The following SASH1 variants were observed in gnomAD, a reference collection of about 807,000 sequenced individuals.
The protein encoded by SASH1 is SAM and SH3 domain containing 1.
SASH1 carries 44 observed loss-of-function variants against 125.2 expected under a neutral mutation model. The observed-to-expected ratio is 0.35, with a 90% CI of 0.28 to 0.45. The LOEUF (loss-of-function observed/expected upper bound fraction) is 0.45, where lower values mean the gene tolerates loss of function less well. Ranked by LOEUF, SASH1 falls within the 20% of genes least tolerant of loss-of-function variation. SASH1 has a pLI of 1.00. For missense variants in SASH1, 1,426 were observed against 1,614.5 expected, an observed-to-expected ratio of 0.88 and a Z score of 2.00; for synonymous variants, 639 against 649.1, an observed-to-expected ratio of 0.98 and a Z score of 0.24.
intron 1 of SASH1, among the ~76,000 whole-genome samples, chr6:148,387,967 G>C (rs138411332): frequency 0.018 from 2,464 of 137,966 alleles, 28 homozygotes; most frequent in Middle Eastern, 0.037. Context: ...CCAGGCTGGA[G>C]TGCAATGGCA....
chr6:148,487,100 C>CACACACATATATAT (rs1778903216), intron 7 of SASH1, among the ~76,000 whole-genome samples: 12 of 135,234 alleles, frequency 8.9e-5, no homozygotes, highest in Middle Eastern at 7.4e-3. Context: ...TATACACACA[C>CACACACATATATAT]ACACACACAC....
At chr6:148,484,892 G>A (rs569773278) in intron 7 of SASH1, among the ~76,000 whole-genome samples, 158 of 152,228 alleles carry the variant, frequency 1.0e-3, no homozygotes, top group Non-Finnish European at 1.8e-3. Flanking sequence ...GCAATGAGCC[G>A]TGATTGCACT....
the SASH1 span, among the ~76,000 whole-genome samples, chr6:148,243,645 GT>G: frequency 1.6e-5 from 1 of 63,870 alleles, no homozygotes; most frequent in Non-Finnish European, 2.7e-5. Flanking sequence ...CTGTGAAACT[GT>G]GTCTCAAAAA....
At chr6:148,205,434 T>G in the SASH1 span, among the ~76,000 whole-genome samples, 1 of 152,136 alleles carries the variant, frequency 6.6e-6, no homozygotes. Context: ...CCAAGTCCCT[T>G]TTTGTATTTA....
intron 1 of SASH1, among the ~76,000 whole-genome samples, chr6:148,325,838 A>G (rs376080663): frequency 4.1e-4 from 62 of 152,148 alleles, no homozygotes; most frequent in African/African-American, 1.5e-3. Flanking sequence ...AGGTGAGCCA[A>G]TCCACAGTAT....
chr6:148,551,144 G>A lies in SASH1; in HGVS notation c.*2586G>A, dbSNP rs752884495. Reference sequence around the variant, plus strand: ...TAAATATTTTAAAAATATCTTTAGCGTTTGGTCTTTTTTTTTTCTGTAAAC... The same window carrying A: ...TAAATATTTTAAAAATATCTTTAGCATTTGGTCTTTTTTTTTTCTGTAAAC... On this transcript the variant is annotated 3_prime_UTR_variant, in exon 20 of 20. Transcript: ENST00000367467. 2 of 151,670 alleles carry A rather than the reference G, an allele frequency of 1.3e-5. No homozygotes were observed. The highest frequency in any genetic ancestry group is 2.4e-5 in the African/African-American group (1 of 40,888). 9.4% of individuals were successfully genotyped at this position (151,670 alleles called of 1,614,324 possible).
At chr6:148,472,773 G>T (rs982452945) in intron 6 of SASH1, among the ~76,000 whole-genome samples, 1 of 152,162 alleles carries the variant, frequency 6.6e-6, no homozygotes, top group Non-Finnish European at 1.5e-5. Context: ...AAAGTCAGCC[G>T]TGCCTGAAAT....
At chr6:148,334,638 C>T (rs1562330601) in intron 1 of SASH1, among the ~76,000 whole-genome samples, 1 of 151,396 alleles carries the variant, frequency 6.6e-6, no homozygotes, top group Non-Finnish European at 1.5e-5. Context: ...ATGGTGAAAC[C>T]CCATCTCTAC....
chr6:148,238,797 T>C, the SASH1 span, among the ~76,000 whole-genome samples: 1 of 152,164 alleles, frequency 6.6e-6, no homozygotes, highest in Non-Finnish European at 1.5e-5. Context: ...CCCACTCTTT[T>C]GTCACATCTA....
intron 10 of SASH1, among the ~76,000 whole-genome samples, chr6:148,524,251 G>A (rs1781002555): frequency 6.7e-6 from 1 of 148,674 alleles, no homozygotes; most frequent in Non-Finnish European, 1.5e-5. Flanking sequence ...GTACTTTTCT[G>A]TTCATTTCTT....
chr6:148,243,325 C>T, the SASH1 span, among the ~76,000 whole-genome samples: 116 of 152,198 alleles, frequency 7.6e-4, no homozygotes, highest in Non-Finnish European at 1.4e-3. Context: ...TGGCTCATGC[C>T]TGTAATCCCA....
the SASH1 span, among the ~76,000 whole-genome samples, chr6:148,262,419 C>T: frequency 5.3e-5 from 8 of 152,096 alleles, no homozygotes; most frequent in Non-Finnish European, 7.3e-5. Context: ...TGTGGTGTTG[C>T]ATCCAATGTG....
At chr6:148,505,017 G>T (rs1779723234) in intron 8 of SASH1, among the ~76,000 whole-genome samples, 1 of 152,166 alleles carries the variant, frequency 6.6e-6, no homozygotes, top group Non-Finnish European at 1.5e-5. Flanking sequence ...GGATAAATCA[G>T]TGCATGAACT....
intron 2 of SASH1, among the ~76,000 whole-genome samples, chr6:148,421,146 G>GAAAGAAAGAAAGAAAGA: frequency 1.4e-5 from 1 of 71,244 alleles, no homozygotes; most frequent in East Asian, 4.3e-4. Flanking sequence ...AGGAAGGAAG[G>GAAAGAAAGAAAGAAAGA]AAGAAAGAAA....
chr6:148,330,730 C>A (rs1018769128), intron 1 of SASH1, among the ~76,000 whole-genome samples: 1 of 152,080 alleles, frequency 6.6e-6, no homozygotes. Context: ...GGATTAGAGG[C>A]GCCTGCCACC....
At chr6:148,425,264 T>A (rs1775765623) in intron 2 of SASH1, among the ~76,000 whole-genome samples, 1 of 152,210 alleles carries the variant, frequency 6.6e-6, no homozygotes, top group Non-Finnish European at 1.5e-5. Context: ...AGTACCTAAT[T>A]GAAAAATTAA....
At chr6:148,343,421 C>T (rs935377873) in intron 1 of SASH1, among the ~76,000 whole-genome samples, 198 bp downstream of exon 1, 3 of 152,166 alleles carry the variant, frequency 2.0e-5, no homozygotes, top group African/African-American at 4.8e-5. Flanking sequence ...CCACAGGTCC[C>T]GTCAAAAGGT....
At chr6:148,535,375 CAGCTGAGCACAA>C (rs1781780577) in intron 16 of SASH1, among the ~76,000 whole-genome samples, 2 of 152,196 alleles carry the variant, frequency 1.3e-5, no homozygotes, top group South Asian at 4.1e-4. Flanking sequence ...GCCATTGGGA[CAGCTGAGCACAA>C]AAGTGACTGA....
chr6:148,465,211 T>G (rs1777777007), intron 4 of SASH1, among the ~76,000 whole-genome samples: 1 of 152,102 alleles, frequency 6.6e-6, no homozygotes, highest in African/African-American at 2.4e-5. Flanking sequence ...CATAATAAGT[T>G]TTATCCTGAG....
Sources: allele counts gnomAD v4.1 joint callset (sites outside exome capture counted in the v4.1 genomes callset), GRCh38; gene constraint gnomAD v4.1.1; transcripts MANE v1.5; gene names NCBI Gene and HGNC (gene_info 2026-07-23, HGNC 2026-07-21).